Variants in KDM4C observed in about 807,000 individuals in gnomAD.
KDM4C encodes lysine demethylase 4C, also known as lysine-specific demethylase 4C.
In KDM4C, 81 loss-of-function variants were observed where a neutral mutation model predicts 129.3. The ratio of observed to expected loss-of-function variants is 0.63; its 90% confidence interval spans 0.52 to 0.75. KDM4C has a LOEUF of 0.75. Among genes scored for constraint, KDM4C ranks in the 30% least tolerant of loss-of-function variants. KDM4C has a pLI of 0.00. For missense variants in KDM4C, 1,457 were observed against 1,304.0 expected (o/e 1.12, Z -1.81); for synonymous variants, 573 against 456.1 (o/e 1.26, Z -3.26).
At chr9:6,814,844 G>T in intron 4 of KDM4C, 99 bp downstream of exon 4, 1 of 632,298 alleles carries the variant, frequency 1.6e-6, no homozygotes, top group East Asian at 3.0e-5. Flanking sequence ...TGTGCTTTTG[G>T]GTGATCCATA....
Position 6,879,630 on chromosome 9 carries a change from C to T in KDM4C, c.630-382C>T, listed in dbSNP as rs185491527. On this transcript the variant is annotated intron_variant, in intron 5 of 21. Coordinates refer to ENST00000381309, the MANE Select transcript of KDM4C (RefSeq NM_015061.6). ...AAAAACAAAAGCCAAAATCAACCAA[C>T]CACAAAACGAAAAACATACAACCAA... 4.1e-3 allele frequency among the ~76,000 whole-genome samples: 627 copies of T among 152,234 alleles called. 3 individuals are homozygous for T. The highest frequency in any genetic ancestry group is 6.2e-3 in the Non-Finnish European group (424 of 68,030).
rs75153135 is a variant in KDM4C, at chr9:7,102,487, G to A, written c.2425-1198G>A. Among the ~76,000 whole-genome samples, 103 of 152,094 alleles carry A rather than the reference G, an allele frequency of 6.8e-4. 1 individual carries two copies. The East Asian group carries it at 0.014, about 21-fold the overall frequency. Reference sequence around the variant, plus strand: ...GAAATAAAGGATGGAGATACACATTGGGAATCCATTATGATGCTGGGCAAG... The same window carrying A: ...GAAATAAAGGATGGAGATACACATTAGGAATCCATTATGATGCTGGGCAAG... On this transcript the variant is annotated intron_variant, in intron 17 of 21. Transcript: ENST00000381309.
Position 6,830,042 on chromosome 9 carries a change from A to G in KDM4C, c.435+15297A>G, listed in dbSNP as rs142645728. On this transcript the variant is annotated intron_variant, in intron 4 of 21. Coordinates refer to ENST00000381309, the MANE Select transcript of KDM4C (RefSeq NM_015061.6). ...CTAGAATCTGTTTTACAGATGATCA[A>G]AAATATGGGGCAGTGTTTCTGTACC... Among the ~76,000 whole-genome samples the G allele has an allele frequency of 2.1e-3, 320 of 152,318 alleles. 3 individuals carry two copies. The highest frequency in any genetic ancestry group is 6.3e-3 in the African/African-American group (261 of 41,564).
At chr9:6,901,482 T>A (rs1423771992) in intron 8 of KDM4C, among the ~76,000 whole-genome samples, 1 of 152,234 alleles carries the variant, frequency 6.6e-6, no homozygotes, top group Non-Finnish European at 1.5e-5. Flanking sequence ...CTGGGCAGGC[T>A]TGTCTTGATA....
At chr9:7,117,370 G>C (rs1435990065) in intron 18 of KDM4C, among the ~76,000 whole-genome samples, 1 of 152,068 alleles carries the variant, frequency 6.6e-6, no homozygotes, top group African/African-American at 2.4e-5. Flanking sequence ...AACTGTAATT[G>C]AGAGTCAGAA....
chr9:6,890,008 T>G (rs1845892019), intron 7 of KDM4C, among the ~76,000 whole-genome samples: 1 of 148,400 alleles, frequency 6.7e-6, no homozygotes, highest in Non-Finnish European at 1.5e-5. Context: ...GAGATGAATT[T>G]AAGTCCTGAA....
chr9:7,122,261 A>ACTCTCT lies in KDM4C; in HGVS notation c.2611-5804_2611-5803insTCTCTC, dbSNP rs747083483. Reference sequence around the variant, plus strand: ...ATGCCACACACACACACACACACACACACACTCTCTCTCTCTCTCTCTCTT... The same window carrying ACTCTCT: ...ATGCCACACACACACACACACACACACTCTCTCACACTCTCTCTCTCTCTCTCTCTT... On this transcript the variant is annotated intron_variant, in intron 18 of 21. Transcript: ENST00000381309. Among the ~76,000 whole-genome samples the ACTCTCT allele has an allele frequency of 1.5e-3, 201 of 137,144 alleles. 1 individual carries two copies. Among genetic ancestry groups the ACTCTCT allele is most frequent in the Admixed American group, 3.0e-3 (41 of 13,734 alleles). 90.0% of individuals were successfully genotyped at this position (137,144 alleles called of 152,430 possible).
At position 6,857,675 on chromosome 9, in the gene KDM4C, A is replaced by G. The variant is rs57717102; in HGVS notation, c.629+7975A>G. 3.1e-3 allele frequency among the ~76,000 whole-genome samples: 475 copies of G among 152,224 alleles called. 1 individual carries two copies. The highest frequency in any genetic ancestry group is 0.011 in the African/African-American group (449 of 41,536). ...CAAGTTTAACGTTGGTACTTTGATG[A>G]TGAAATTATGAACTGGAACTAATCC... is the stretch of plus-strand genomic sequence containing the variant. On this transcript the variant is annotated intron_variant, in intron 5 of 21. Coordinates refer to ENST00000381309, the MANE Select transcript of KDM4C (RefSeq NM_015061.6).
intron 17 of KDM4C, among the ~76,000 whole-genome samples, chr9:7,064,359 A>C (rs1164445037): frequency 5.9e-5 from 9 of 152,224 alleles, no homozygotes; most frequent in Admixed American, 5.9e-4. Flanking sequence ...TTAAAGTTTT[A>C]AAATGAGCCT....
At chr9:6,873,162 A>G (rs1035930231) in intron 5 of KDM4C, among the ~76,000 whole-genome samples, 1 of 151,966 alleles carries the variant, frequency 6.6e-6, no homozygotes, top group Admixed American at 6.6e-5. Context: ...ATGCCTGGCT[A>G]ATTTTTGTAT....
intron 15 of KDM4C, among the ~76,000 whole-genome samples, chr9:7,034,730 G>C (rs771348731): frequency 4.6e-5 from 7 of 152,068 alleles, no homozygotes; most frequent in Non-Finnish European, 1.0e-4. Context: ...AGTTCTATTT[G>C]TAGTTTTTTG....
intron 5 of KDM4C, among the ~76,000 whole-genome samples, chr9:6,863,309 C>T (rs1841309937): frequency 6.6e-6 from 1 of 152,074 alleles, no homozygotes; most frequent in Non-Finnish European, 1.5e-5. Context: ...TGGATTCCAT[C>T]TGACTTTCCT....
At chr9:7,031,933 G>A (rs533064342) in intron 15 of KDM4C, among the ~76,000 whole-genome samples, 48 of 152,280 alleles carry the variant, frequency 3.2e-4, no homozygotes, top group South Asian at 8.3e-4. Context: ...GCTAGAGATT[G>A]TAAGTGACTT....
intron 3 of KDM4C, among the ~76,000 whole-genome samples, chr9:6,807,961 C>T (rs1314893242): frequency 5.6e-5 from 7 of 125,884 alleles, no homozygotes; most frequent in Admixed American, 1.4e-4. Context: ...GCCCCCCGCC[C>T]GGCCAGCCGC....
chr9:6,739,752 T>A (rs1817629463), intron 1 of KDM4C, among the ~76,000 whole-genome samples: 1 of 151,816 alleles, frequency 6.6e-6, no homozygotes, highest in Non-Finnish European at 1.5e-5. Context: ...ATCCCAGCAC[T>A]TTGGGAGACC....
chr9:7,024,554 A>G (rs533915713), intron 15 of KDM4C, among the ~76,000 whole-genome samples: 23 of 151,314 alleles, frequency 1.5e-4, no homozygotes, highest in Admixed American at 4.6e-4. Context: ...TCATTGTTCA[A>G]TTCCCACCTG....
chr9:6,800,741 C>G (rs1828791857), intron 2 of KDM4C, among the ~76,000 whole-genome samples: 1 of 152,088 alleles, frequency 6.6e-6, no homozygotes, highest in Non-Finnish European at 1.5e-5. Context: ...GTCGCCCCAC[C>G]TCAGCCTCCC....
intron 8 of KDM4C, among the ~76,000 whole-genome samples, chr9:6,926,370 ATGAATG>A (rs1822561116): frequency 6.7e-6 from 1 of 149,440 alleles, no homozygotes; most frequent in Non-Finnish European, 1.5e-5. Flanking sequence ...CAAAATAAAA[ATGAATG>A]AAAGGGACAC....
At chr9:6,990,652 A>T (rs1818581841) in intron 12 of KDM4C, 128 bp downstream of exon 12, 1 of 615,746 alleles carries the variant, frequency 1.6e-6, no homozygotes, top group Non-Finnish European at 2.9e-6. Flanking sequence ...AGGAGATCAT[A>T]CATAATAAAT....
Sources: allele counts gnomAD v4.1 joint callset (sites outside exome capture counted in the v4.1 genomes callset), GRCh38; gene constraint gnomAD v4.1.1; transcripts MANE v1.5; gene names NCBI Gene and HGNC (gene_info 2026-07-23, HGNC 2026-07-21).